Variants in NT5C1B observed in about 807,000 individuals in gnomAD.
NT5C1B encodes the protein cytosolic 5'-nucleotidase 1B.
Under a neutral mutation model 57.8 loss-of-function variants are expected in NT5C1B, and 44 were observed. The ratio of observed to expected loss-of-function variants is 0.76; its 90% CI spans 0.60 to 0.98. The LOEUF (loss-of-function observed/expected upper bound fraction) is 0.98, where lower values mean the gene tolerates loss of function less well. Among genes scored for constraint, NT5C1B ranks in the 50% least tolerant of loss-of-function variants. The pLI is 0.00. For synonymous variants in NT5C1B, 284 were observed against 282.6 expected (o/e 1.00, Z -0.05); for missense variants, 742 against 719.5 (o/e 1.03, Z -0.36).
intron 8 of NT5C1B, among the ~76,000 whole-genome samples, chr2:18,564,762 T>C (rs1356083699): frequency 1.3e-5 from 2 of 152,214 alleles, no homozygotes. Context: ...TTCTGTCTTA[T>C]GGTTTTTATT....
chr2:18,583,835 C>G (rs1460215957), intron 5 of NT5C1B: 1 of 673,982 alleles, frequency 1.5e-6, no homozygotes, highest in South Asian at 1.5e-5. Context: ...GTTTCTGTTA[C>G]AAGTCTCATG....
At chr2:18,589,439 C>G in exon 1 of NT5C1B, 1 of 1,614,070 alleles carries the variant, frequency 6.2e-7, no homozygotes, top group East Asian at 2.2e-5. Context: ...GTTCACTCAC[C>G]TTTTTCTGTT....
At chr2:18,565,475 C>A (rs925633894) in intron 8 of NT5C1B, among the ~76,000 whole-genome samples, 2 of 152,166 alleles carry the variant, frequency 1.3e-5, no homozygotes, top group African/African-American at 4.8e-5. Flanking sequence ...CCATGATTTA[C>A]ATATAAGATT....
rs200718134 is a variant in NT5C1B at position 18,584,045 on chromosome 2, G to T, written c.891+43C>A. ...AAGGGTTGGCCTGGGTCCCTCCCTC[G>T]CCATCGAGTGTCCTGGCGGGCCAAA... is the stretch of plus-strand genomic sequence containing the variant. On this transcript the variant is annotated intron_variant, in intron 5 of 8. Coordinates refer to ENST00000304081, the Ensembl canonical transcript of NT5C1B. The surrounding 1 kb of genome is among the most constrained non-coding windows in gnomAD (Gnocchi z 5.8). 2 of 1,614,022 alleles carry T rather than the reference G, an allele frequency of 1.2e-6. No individual in the cohort carries two copies. The highest frequency in any genetic ancestry group is 1.7e-6 in the Non-Finnish European group (2 of 1,179,950).
intron 8 of NT5C1B, among the ~76,000 whole-genome samples, chr2:18,575,726 T>C (rs1665608931): frequency 6.6e-6 from 1 of 152,218 alleles, no homozygotes; most frequent in Non-Finnish European, 1.5e-5. Context: ...AGGATCATTA[T>C]TTGATTCAAG....
At chr2:18,565,874 G>A (rs111973236) in intron 8 of NT5C1B, among the ~76,000 whole-genome samples, 171 of 152,122 alleles carry the variant, frequency 1.1e-3, no homozygotes, top group African/African-American at 3.7e-3. Context: ...GGCATATGCT[G>A]GGTCTTCTTT....
intron 2 of NT5C1B, chr2:18,586,788 G>A: frequency 1.2e-6 from 1 of 844,512 alleles, no homozygotes; most frequent in Non-Finnish European, 1.8e-6. Context: ...AAAGGTGAGG[G>A]CAACTGGTGC....
At chr2:18,580,983 G>A (rs574372913) in intron 6 of NT5C1B, among the ~76,000 whole-genome samples, 1 of 152,276 alleles carries the variant, frequency 6.6e-6, no homozygotes, top group African/African-American at 2.4e-5. Context: ...ACTACCTATT[G>A]GGTAATACGC....
At chr2:18,569,172 A>C (rs750839503) in intron 8 of NT5C1B, among the ~76,000 whole-genome samples, 10 of 152,222 alleles carry the variant, frequency 6.6e-5, no homozygotes, top group Non-Finnish European at 1.3e-4. Context: ...TATAACATTG[A>C]CAATAGACTG....
At chr2:18,580,183 T>G (rs1666058152) in intron 6 of NT5C1B, among the ~76,000 whole-genome samples, 1 of 152,228 alleles carries the variant, frequency 6.6e-6, no homozygotes, top group Non-Finnish European at 1.5e-5. Flanking sequence ...ATGCTGCTTT[T>G]GGGGGTGTAA....
intron 8 of NT5C1B, among the ~76,000 whole-genome samples, chr2:18,572,277 A>G (rs1409755213): frequency 1.3e-5 from 2 of 152,182 alleles, no homozygotes; most frequent in African/African-American, 2.4e-5. Context: ...TGTGCTTTGC[A>G]CAAATACCAT....
intron 2 of NT5C1B, chr2:18,586,937 C>T (rs771382934): frequency 3.1e-6 from 5 of 1,612,750 alleles, no homozygotes; most frequent in Admixed American, 3.3e-5. Flanking sequence ...ATATTCTTCC[C>T]CTCACCCAGG....
chr2:18,563,681 G>A (rs1664376008), exon 9 of NT5C1B: 2 of 1,208,380 alleles, frequency 1.7e-6, no homozygotes, highest in African/African-American at 1.5e-5. Context: ...CCTTTCCAAA[G>A]AAGCAAAGTT....
chr2:18,566,974 G>A (rs1299677956), intron 8 of NT5C1B, among the ~76,000 whole-genome samples: 3 of 152,164 alleles, frequency 2.0e-5, no homozygotes, highest in Non-Finnish European at 2.9e-5. Context: ...AGTTATACCA[G>A]CTTCCATACA....
At chr2:18,567,520 G>A (rs142712798) in intron 8 of NT5C1B, among the ~76,000 whole-genome samples, 3,267 of 152,298 alleles carry the variant, frequency 0.021, 37 homozygotes, top group Middle Eastern at 0.044. Flanking sequence ...ACACAGGGAA[G>A]GCCTGCTGCT....
intron 6 of NT5C1B, among the ~76,000 whole-genome samples, chr2:18,582,393 G>T (rs1361097689): frequency 6.6e-6 from 1 of 152,158 alleles, no homozygotes; most frequent in Non-Finnish European, 1.5e-5. Context: ...GAAGAGACTA[G>T]AATCAATCAA....
At chr2:18,582,741 C>T (rs562578263) in intron 6 of NT5C1B, 127 bp downstream of exon 6, 521 of 1,381,388 alleles carry the variant, frequency 3.8e-4, no homozygotes, top group Non-Finnish European at 4.7e-4. Flanking sequence ...AATAAACATT[C>T]CTGGCGCAGA....
At chr2:18,567,266 A>G (rs1370954487) in intron 8 of NT5C1B, among the ~76,000 whole-genome samples, 1 of 152,210 alleles carries the variant, frequency 6.6e-6, no homozygotes, top group Admixed American at 6.5e-5. Flanking sequence ...CTCAGGAACA[A>G]AGAGCCTAGA....
At chr2:18,583,870 T>A (rs1484861628) in intron 5 of NT5C1B, 1 of 767,376 alleles carries the variant, frequency 1.3e-6, no homozygotes, top group East Asian at 2.8e-5. Flanking sequence ...TAGGGAAGAC[T>A]AACATACCAA....
Sources: gnomAD v4.1 joint callset for allele counts (sites outside exome capture counted in the v4.1 genomes callset) on GRCh38, gnomAD v4.1.1 for gene constraint, Gnocchi (gnomAD v3.1) non-coding constraint, MANE v1.5 for transcripts, NCBI Gene and HGNC (gene_info 2026-07-23, HGNC 2026-07-21) for gene names.